Variants in RBL1 observed in about 807,000 individuals in gnomAD.
RBL1 encodes retinoblastoma-like protein 1.
A neutral mutation model predicts 123.0 loss-of-function variants in RBL1; 82 were observed. That is an observed-to-expected ratio of 0.67 (90% CI 0.56 to 0.80). The LOEUF (loss-of-function observed/expected upper bound fraction) is 0.80, where lower values mean the gene tolerates loss of function less well. Ranked by LOEUF, RBL1 falls within the 30% of genes least tolerant of loss-of-function variation. The pLI, the probability that RBL1 is intolerant of heterozygous loss-of-function variation, is 0.00. For missense variants in RBL1, 1,171 were observed against 1,299.6 expected (o/e 0.90, Z 1.52); for synonymous variants, 405 against 441.3 (o/e 0.92, Z 1.03).
chr20:37,072,267 G>A (rs1053481755), intron 2 of RBL1, among the ~76,000 whole-genome samples: 18 of 152,132 alleles, frequency 1.2e-4, no homozygotes, highest in African/African-American at 4.1e-4. Context: ...TCAGGAGCTC[G>A]AGACCAGCCT....
At chr20:37,023,152 C>T (rs920236930) in intron 16 of RBL1, among the ~76,000 whole-genome samples, 1 of 151,128 alleles carries the variant, frequency 6.6e-6, no homozygotes, top group Non-Finnish European at 1.5e-5. Context: ...GGTGGATTCT[C>T]GCTCTGTCAC....
chr20:37,020,169 A>G (rs2146225621), intron 18 of RBL1, among the ~76,000 whole-genome samples: 1 of 151,306 alleles, frequency 6.6e-6, no homozygotes, highest in East Asian at 1.9e-4. Flanking sequence ...GCTCACCGCA[A>G]CCTCTGCCTC....
At chr20:37,040,439 A>G (rs991830137) in intron 13 of RBL1, among the ~76,000 whole-genome samples, 154 bp from the exon 14 acceptor site, 2 of 152,044 alleles carry the variant, frequency 1.3e-5, no homozygotes, top group African/African-American at 2.4e-5. Context: ...GCAACCTCCA[A>G]CGCCCGGGGT....
chr20:37,093,248 C>G (rs2065675605), intron 1 of RBL1, among the ~76,000 whole-genome samples: 1 of 151,912 alleles, frequency 6.6e-6, no homozygotes, highest in Non-Finnish European at 1.5e-5. Context: ...ATGAAAATGA[C>G]TACTCCAAAT....
intron 2 of RBL1, among the ~76,000 whole-genome samples, chr20:37,074,033 C>T (rs1199307867): frequency 6.6e-6 from 1 of 151,952 alleles, no homozygotes; most frequent in Non-Finnish European, 1.5e-5. Context: ...ATGGCGTGAA[C>T]CCAGGAGGCG....
intron 20 of RBL1, among the ~76,000 whole-genome samples, chr20:37,006,038 G>A (rs1316602414): frequency 6.6e-6 from 1 of 150,962 alleles, no homozygotes; most frequent in African/African-American, 2.4e-5. Flanking sequence ...TGGGACTAAA[G>A]GTGTGTACCA....
chr20:37,017,934 C>T (rs889967267), intron 19 of RBL1, among the ~76,000 whole-genome samples: 3 of 152,130 alleles, frequency 2.0e-5, no homozygotes, highest in African/African-American at 7.2e-5. Flanking sequence ...CATGCCCAGC[C>T]GGGACATTTT....
intron 15 of RBL1, among the ~76,000 whole-genome samples, chr20:37,034,387 T>A (rs1004354177): frequency 2.6e-5 from 4 of 152,156 alleles, no homozygotes; most frequent in Non-Finnish European, 4.4e-5. Flanking sequence ...TTTTTTTTTT[T>A]AACATTTTGA....
chr20:37,009,658 T>C (rs112644780), intron 19 of RBL1, among the ~76,000 whole-genome samples: 1,883 of 152,058 alleles, frequency 0.012, 44 homozygotes, highest in African/African-American at 0.043. Context: ...ACACGCCTGG[T>C]CTAAAATTAT....
At chr20:37,053,655 C>A (rs2064956576) in intron 11 of RBL1, among the ~76,000 whole-genome samples, 1 of 152,118 alleles carries the variant, frequency 6.6e-6, no homozygotes. Context: ...TGTGACTAGA[C>A]ATATGCCAAA....
rs2064593760 is a variant in RBL1, at chr20:37,035,453, T to G, written c.1959A>C (p.Ala653=). Residue 653 remains alanine (A), a synonymous_variant, in exon 15 of 22, where the codon GCA becomes GCC. Transcript: ENST00000373664. ...CAAAGAGTCTTCTCTTAGCACTCCC[T>G]GCGGTAGGAGAACTGTAGCGTTCAT... ...SVHERYSSPT[A]GSAKRRLFGE... 6.2e-7 allele frequency: 1 copy of G among 1,613,340 alleles called. No homozygotes were observed.
At chr20:37,011,817 A>G (rs1332597948) in intron 19 of RBL1, among the ~76,000 whole-genome samples, 1 of 152,216 alleles carries the variant, frequency 6.6e-6, no homozygotes, top group Non-Finnish European at 1.5e-5. Context: ...TCAGGAAATC[A>G]AAAGTATTTA....
intron 14 of RBL1, 28 bp downstream of exon 14, chr20:37,040,125 T>C: frequency 5.6e-6 from 9 of 1,607,010 alleles, no homozygotes; most frequent in Non-Finnish European, 6.8e-6. Flanking sequence ...TTGTTACTTT[T>C]TCATTCCTTT....
At chr20:37,058,020 G>A (rs1294187011) in intron 9 of RBL1, among the ~76,000 whole-genome samples, 1 of 151,652 alleles carries the variant, frequency 6.6e-6, no homozygotes, top group East Asian at 1.9e-4. Flanking sequence ...AGCTACTCAG[G>A]AGGCTGAGGC....
At chr20:37,060,655 A>C (rs1346058863) in intron 9 of RBL1, among the ~76,000 whole-genome samples, 1 of 151,928 alleles carries the variant, frequency 6.6e-6, no homozygotes, top group Admixed American at 6.6e-5. Flanking sequence ...GGTGGCTTGC[A>C]CCTGTAGTTC....
At chr20:37,091,030 T>A (rs1369295696) in intron 1 of RBL1, among the ~76,000 whole-genome samples, 1 of 152,176 alleles carries the variant, frequency 6.6e-6, no homozygotes, top group Non-Finnish European at 1.5e-5. Context: ...ATGACTTCAC[T>A]GCTGAAATAC....
intron 2 of RBL1, among the ~76,000 whole-genome samples, chr20:37,069,006 G>A (rs1356188908): frequency 2.0e-5 from 3 of 152,232 alleles, no homozygotes; most frequent in African/African-American, 4.8e-5. Context: ...GGGCCGCCAC[G>A]CCTGACTGGT....
intron 16 of RBL1, among the ~76,000 whole-genome samples, chr20:37,027,655 A>G (rs930981667): frequency 6.6e-6 from 1 of 152,252 alleles, no homozygotes; most frequent in African/African-American, 2.4e-5. Flanking sequence ...TCTAAGGTCA[A>G]CCGTTTTTAG....
intron 2 of RBL1, 88 bp from the exon 3 acceptor site, chr20:37,068,274 C>T: frequency 3.4e-6 from 5 of 1,457,260 alleles, no homozygotes; most frequent in Non-Finnish European, 1.8e-6. Context: ...ATGACTAAGA[C>T]TCTTTATTAA....
Sources: allele counts gnomAD v4.1 joint callset (sites outside exome capture counted in the v4.1 genomes callset), GRCh38; gene constraint gnomAD v4.1.1; transcripts MANE v1.5; gene names NCBI Gene and HGNC (gene_info 2026-07-23, HGNC 2026-07-21).